The following PTPRN2 variants were observed in gnomAD, a reference collection of about 807,000 sequenced individuals.
PTPRN2 encodes protein tyrosine phosphatase receptor type N2, also known as receptor-type tyrosine-protein phosphatase N2.
In PTPRN2, 74 loss-of-function variants were observed where a neutral mutation model predicts 118.8. The ratio of observed to expected loss-of-function variants is 0.62; its 90% CI spans 0.52 to 0.76. The LOEUF is 0.76. Ranked by LOEUF, PTPRN2 falls within the 30% of genes least tolerant of loss-of-function variation. PTPRN2 has a pLI of 0.00. For missense variants in PTPRN2, 1,481 were observed against 1,394.4 expected, an observed-to-expected ratio of 1.06 and a Z score of -0.99; for synonymous variants, 641 against 608.0, an observed-to-expected ratio of 1.05 and a Z score of -0.80.
chr7:157,760,942 T>C (rs1802089352), intron 12 of PTPRN2, among the ~76,000 whole-genome samples: 1 of 152,226 alleles, frequency 6.6e-6, no homozygotes, highest in South Asian at 2.1e-4. Context: ...CAAGCATTCT[T>C]ATACACCAAC....
At chr7:157,844,718 T>C (rs1284328588) in intron 12 of PTPRN2, among the ~76,000 whole-genome samples, 2 of 152,218 alleles carry the variant, frequency 1.3e-5, no homozygotes, top group African/African-American at 4.8e-5. Context: ...AGTTGCTCTG[T>C]GTTCCCGGCA....
intron 11 of PTPRN2, among the ~76,000 whole-genome samples, chr7:158,058,550 G>C (rs868280860): frequency 6.1e-4 from 42 of 68,928 alleles, no homozygotes; most frequent in East Asian, 1.3e-3. Flanking sequence ...CACACGGTGA[G>C]ACATCACTGC....
At chr7:157,655,090 G>A (rs1016276377) in intron 14 of PTPRN2, among the ~76,000 whole-genome samples, 25 of 152,358 alleles carry the variant, frequency 1.6e-4, no homozygotes, top group African/African-American at 5.8e-4. Context: ...GTCTGCTCCC[G>A]GGTGTGAACA....
intron 3 of PTPRN2, among the ~76,000 whole-genome samples, chr7:158,279,829 A>G (rs1248278938): frequency 2.0e-5 from 3 of 152,170 alleles, no homozygotes; most frequent in Non-Finnish European, 4.4e-5. Context: ...GCCAGAGCAG[A>G]CACCGAGGCA....
chr7:157,989,011 G>A (rs1245310189), intron 11 of PTPRN2, among the ~76,000 whole-genome samples: 4 of 152,340 alleles, frequency 2.6e-5, no homozygotes, highest in South Asian at 2.1e-4. Context: ...AACTCCTACC[G>A]CTATAACACA....
intron 1 of PTPRN2, among the ~76,000 whole-genome samples, chr7:158,514,143 G>A (rs971721639): frequency 6.6e-6 from 1 of 152,186 alleles, no homozygotes; most frequent in Non-Finnish European, 1.5e-5. Context: ...GACTGACATA[G>A]AAGGATTATT....
chr7:157,657,619 T>C (rs1273647083), intron 13 of PTPRN2, among the ~76,000 whole-genome samples: 4 of 58,006 alleles, frequency 6.9e-5, no homozygotes, highest in African/African-American at 1.3e-4. Flanking sequence ...ACATCACACA[T>C]ATACACACAC....
At chr7:157,739,834 G>A (rs546680578) in intron 12 of PTPRN2, among the ~76,000 whole-genome samples, 3 of 152,338 alleles carry the variant, frequency 2.0e-5, no homozygotes, top group African/African-American at 4.8e-5. Context: ...CAAGGTGACC[G>A]CAAGGAGGCC....
intron 5 of PTPRN2, among the ~76,000 whole-genome samples, chr7:158,171,204 A>G (rs547641300): frequency 2.6e-5 from 3 of 113,800 alleles, no homozygotes; most frequent in African/African-American, 9.3e-5. Context: ...ATATATATAC[A>G]CTATATATAC....
chr7:158,448,954 T>C (rs1303257637), intron 2 of PTPRN2, among the ~76,000 whole-genome samples: 1 of 152,098 alleles, frequency 6.6e-6, no homozygotes, highest in Admixed American at 6.5e-5. Context: ...CAAGATGGAA[T>C]TAAGGTGACA....
intron 12 of PTPRN2, among the ~76,000 whole-genome samples, chr7:157,846,115 T>C (rs1429025413): frequency 1.3e-5 from 2 of 152,006 alleles, no homozygotes; most frequent in Admixed American, 1.3e-4. Flanking sequence ...GAAGCGAGAT[T>C]CACGGCACCT....
chr7:157,746,869 C>T (rs1800979297), intron 12 of PTPRN2, among the ~76,000 whole-genome samples: 1 of 152,150 alleles, frequency 6.6e-6, no homozygotes, highest in African/African-American at 2.4e-5. Context: ...TGAGGTGATT[C>T]TGAGGCCTGT....
In PTPRN2 at chr7:157,987,636, C is replaced by T. The variant is rs1484002787; in HGVS notation, c.1724-88899G>A. Among the ~76,000 whole-genome samples the T allele has an allele frequency of 6.6e-6, 1 of 152,114 alleles. No homozygotes were observed. Among genetic ancestry groups the T allele is most frequent in the African/African-American group, 2.4e-5 (1 of 41,420 alleles). On this transcript the variant is annotated intron_variant, in intron 11 of 22. Coordinates refer to ENST00000389418, the MANE Select transcript of PTPRN2 (RefSeq NM_002847.5). This position sits in a 1 kb window ranked among gnomAD's most constrained non-coding sequence, Gnocchi z 4.3. ...AAGCGGCCTGCTGGTTTTGTTCACACTGGGTGAACAGTTGGAATACAGGTT... is the reference window on the plus strand; with the variant it reads ...AAGCGGCCTGCTGGTTTTGTTCACATTGGGTGAACAGTTGGAATACAGGTT...
At chr7:158,485,116 C>T (rs1240901475) in intron 2 of PTPRN2, among the ~76,000 whole-genome samples, 2 of 152,104 alleles carry the variant, frequency 1.3e-5, no homozygotes, top group African/African-American at 4.8e-5. Flanking sequence ...GAGCGCAGGG[C>T]TTGTGGGTCG....
chr7:158,307,508 A>C (rs1801388150), intron 3 of PTPRN2, among the ~76,000 whole-genome samples: 1 of 152,152 alleles, frequency 6.6e-6, no homozygotes, highest in Admixed American at 6.5e-5. Flanking sequence ...ATGAGGTAGA[A>C]AGAATATTTG....
At chr7:158,347,998 C>A (rs1807641779) in intron 2 of PTPRN2, among the ~76,000 whole-genome samples, 1 of 152,090 alleles carries the variant, frequency 6.6e-6, no homozygotes, top group African/African-American at 2.4e-5. Flanking sequence ...TGCTCCCTTG[C>A]GGCCCAGGAG....
At chr7:158,234,763 T>C (rs10227009) in intron 3 of PTPRN2, among the ~76,000 whole-genome samples, 32,260 of 152,140 alleles carry the variant, frequency 0.21, 3,939 homozygotes, top group African/African-American at 0.32. Context: ...CCCGTTAAAA[T>C]GGCTTTTTTT....
chr7:158,059,412 A>C (rs1810118343), intron 11 of PTPRN2, among the ~76,000 whole-genome samples: 2 of 122,096 alleles, frequency 1.6e-5, no homozygotes, highest in African/African-American at 8.0e-5. Context: ...ACATCACTGC[A>C]GCCACACTCC....
chr7:157,652,317 C>T (rs1335868795), intron 14 of PTPRN2, among the ~76,000 whole-genome samples: 3 of 152,244 alleles, frequency 2.0e-5, no homozygotes. Context: ...TGGGCGGCAT[C>T]TCAGATGCTC....
Sources: allele counts gnomAD v4.1 joint callset (sites outside exome capture counted in the v4.1 genomes callset), GRCh38; gene constraint gnomAD v4.1.1; non-coding constraint Gnocchi (gnomAD v3.1); transcripts MANE v1.5; gene names NCBI Gene and HGNC (gene_info 2026-07-23, HGNC 2026-07-21).